The following UNC80 variants were observed in gnomAD, a reference collection of about 807,000 sequenced individuals.
UNC80 encodes unc-80 subunit of NALCN channel complex.
UNC80 carries 164 observed loss-of-function variants against 384.6 expected under a neutral mutation model. The observed-to-expected ratio is 0.43, with a 90% confidence interval of 0.38 to 0.49. The LOEUF is 0.49. Among genes scored for constraint, UNC80 ranks in the 20% least tolerant of loss-of-function variants. The pLI, the probability that UNC80 is intolerant of heterozygous loss-of-function variation, is 0.00. For missense variants in UNC80, 3,330 were observed against 4,143.0 expected (o/e 0.80, Z 5.39); for synonymous variants, 1,486 against 1,527.8 (o/e 0.97, Z 0.64).
intron 22 of UNC80, among the ~76,000 whole-genome samples, chr2:209,852,832 A>G (rs570736342): frequency 1.3e-5 from 2 of 152,216 alleles, no homozygotes; most frequent in East Asian, 3.9e-4. Flanking sequence ...TATGTGATTC[A>G]CCAACTTCCA....
rs940626826 is a variant in UNC80, at chr2:209,834,299, T to G, written c.2942+131T>G. The G allele has an allele frequency of 2.5e-5, 25 of 991,860 alleles. No homozygotes were observed. The East Asian group carries it at 6.4e-4, about 25-fold the overall frequency. The allele number at this position is 991,860 out of a possible 1,614,324, so 61.4% of individuals were successfully genotyped here. A position where few individuals can be genotyped will look rare whatever the true frequency, so the allele number is the denominator to read the frequency against. Reference sequence around the variant, plus strand: ...TGGTAAAATTATCTTGCGTAAGTGGTTTCACTGGTGTGGTGTAGCTGCAGC... The same window carrying G: ...TGGTAAAATTATCTTGCGTAAGTGGGTTCACTGGTGTGGTGTAGCTGCAGC... On this transcript the variant is annotated intron_variant, in intron 17 of 64. Transcript: ENST00000673920.
At chr2:209,864,614 G>T (rs1398289365) in intron 22 of UNC80, among the ~76,000 whole-genome samples, 1 of 152,182 alleles carries the variant, frequency 6.6e-6, no homozygotes, top group Non-Finnish European at 1.5e-5. Context: ...AGGGGTCAGG[G>T]TCAGTCCTGA....
Position 209,918,564 on chromosome 2 carries a change from C to G in UNC80, c.5244C>G (p.Pro1748=). Residue 1748 remains proline, a synonymous_variant, in exon 33 of 65, where the codon CCC becomes CCG. Coordinates refer to ENST00000673920, the MANE Select transcript of UNC80 (RefSeq NM_001371986.1). ...CTCCCAGTATCAATTTCACCCTTCC[C>G]TCGCCGGTGCTTGGAATGCCATCCG... ...IPPPSINFTL[P]SPVLGMPSVP... is the part of the protein sequence containing the mutation. The G allele has an allele frequency of 6.4e-7, 1 of 1,552,258 alleles. No individual in the cohort carries two copies. Among genetic ancestry groups the G allele is most frequent in the Non-Finnish European group, 8.7e-7 (1 of 1,147,106 alleles).
chr2:209,786,997 A>ATATATATATATATACC (rs2077474378), intron 5 of UNC80, among the ~76,000 whole-genome samples: 2 of 105,710 alleles, frequency 1.9e-5, no homozygotes, highest in Non-Finnish European at 3.6e-5. Context: ...ATATATATAT[A>ATATATATATATATACC]TATATATATA....
chr2:209,941,375 G>A lies in UNC80; in HGVS notation c.6801G>A (p.Pro2267=), dbSNP rs769944657. ...TTAACGGGGCTCTGATCCTCCACCC[G>A]GAAGACAGTGCCCTGCTCAGGCAGT... ...NVFNGALILH[P]EDSALLRQYA... Residue 2267 remains proline (P), a synonymous_variant, in exon 44 of 65, where the codon CCG becomes CCA. Transcript: ENST00000673920. The A allele has an allele frequency of 1.4e-5, 21 of 1,551,130 alleles. No individual in the cohort carries two copies. Among genetic ancestry groups the A allele is most frequent in the African/African-American group, 6.8e-5 (5 of 72,994 alleles).
intron 62 of UNC80, 57 bp from the exon 63 acceptor site, chr2:209,993,258 A>G (rs960934269): frequency 1.3e-5 from 17 of 1,326,388 alleles, no homozygotes; most frequent in Non-Finnish European, 1.7e-5. Flanking sequence ...TAAAGAAACA[A>G]TTTCCTCCTA....
chr2:209,961,469 G>A (rs2092588397), intron 51 of UNC80: 1 of 152,098 alleles, frequency 6.6e-6, no homozygotes, highest in Non-Finnish European at 1.5e-5. Flanking sequence ...ATTATATAAA[G>A]GATTTGAGGA....
intron 53 of UNC80, 28 bp from the exon 54 acceptor site, chr2:209,970,804 C>A (rs2092862865): frequency 6.5e-7 from 1 of 1,548,308 alleles, no homozygotes; most frequent in African/African-American, 1.4e-5. Context: ...ATAGTCAAGG[C>A]TGGTCATGTG....
In UNC80 at chr2:209,839,444, T is replaced by C; in HGVS notation, c.3250+14T>C. On this transcript the variant is annotated intron_variant, in intron 19 of 64. Coordinates refer to ENST00000673920, the MANE Select transcript of UNC80 (RefSeq NM_001371986.1). The surrounding 1 kb of genome is among the most constrained non-coding windows in gnomAD (Gnocchi z 4.1). ...AACTCCCCATAGGTAAAAGTATGTC[T>C]GTATTTGTTTATGGATTATCTTATT... 6.4e-7 allele frequency: 1 copy of C among 1,551,686 alleles called. No homozygotes were observed. The highest frequency in any genetic ancestry group is 8.7e-7 in the Non-Finnish European group (1 of 1,146,908).
chr2:209,896,506 T>TCAATCCG lies in UNC80; in HGVS notation c.4581+94_4581+100dup, dbSNP rs571725976. On this transcript the variant is annotated intron_variant, in intron 28 of 64. Coordinates refer to ENST00000673920, the MANE Select transcript of UNC80 (RefSeq NM_001371986.1). ...GAGGACAAGAGATTATACTAAATCA[T>TCAATCCG]CAATCCGATCTAGCCTCCAAGAGAA... 1.1e-3 allele frequency: 1,164 copies of TCAATCCG among 1,020,128 alleles called. 11 individuals are homozygous for TCAATCCG. In the African/African-American group the frequency reaches 0.016, roughly 14 times the overall value. The allele number at this position is 1,020,128 out of a possible 1,614,324, so 63.2% of individuals were successfully genotyped here.
intron 1 of UNC80, 144 bp from the exon 2 acceptor site, chr2:209,772,950 C>A (rs1001223774): frequency 6.2e-6 from 4 of 648,664 alleles, no homozygotes; most frequent in Non-Finnish European, 1.1e-5. Flanking sequence ...AGCTGTTCAA[C>A]ACCTGCTCAT....
intron 7 of UNC80, among the ~76,000 whole-genome samples, chr2:209,805,279 G>T (rs922975379): frequency 6.6e-6 from 1 of 152,174 alleles, no homozygotes. Context: ...TCCTTCTCCA[G>T]TTCCCAATAG....
At chr2:209,931,191 C>T in intron 38 of UNC80, 137 bp downstream of exon 38, 1 of 565,830 alleles carries the variant, frequency 1.8e-6, no homozygotes, top group African/African-American at 1.9e-5. Flanking sequence ...GTAGGGAAGC[C>T]CCTGCCTGGC....
intron 10 of UNC80, among the ~76,000 whole-genome samples, chr2:209,817,471 C>G (rs2153827591): frequency 6.6e-6 from 1 of 150,574 alleles, no homozygotes; most frequent in East Asian, 1.9e-4. Flanking sequence ...TTGAAAAAAG[C>G]AAAGCAAAGG....
intron 22 of UNC80, among the ~76,000 whole-genome samples, chr2:209,868,842 A>G (rs1305339588): frequency 1.3e-5 from 2 of 152,248 alleles, no homozygotes; most frequent in Non-Finnish European, 2.9e-5. Context: ...GTTCAATCTA[A>G]TATTTTGCCT....
intron 7 of UNC80, among the ~76,000 whole-genome samples, chr2:209,811,976 A>G (rs2079383326): frequency 6.6e-6 from 1 of 152,218 alleles, no homozygotes; most frequent in Non-Finnish European, 1.5e-5. Flanking sequence ...CTCAAAACAA[A>G]TGGTCATTAA....
chr2:209,994,013 G>A (rs900492609), intron 63 of UNC80, 52 bp from the exon 64 acceptor site: 10 of 1,475,280 alleles, frequency 6.8e-6, no homozygotes, highest in African/African-American at 4.2e-5. Flanking sequence ...AAGCATTGAC[G>A]GTCCGTTTCC....
chr2:209,965,221 G>T (rs748551545), intron 51 of UNC80, among the ~76,000 whole-genome samples: 1 of 152,108 alleles, frequency 6.6e-6, no homozygotes, highest in Non-Finnish European at 1.5e-5. Context: ...CAGATTGCTT[G>T]AGTCCAGGAG....
At chr2:209,932,525 G>A (rs2090958511) in intron 38 of UNC80, among the ~76,000 whole-genome samples, 1 of 152,134 alleles carries the variant, frequency 6.6e-6, no homozygotes, top group African/African-American at 2.4e-5. Context: ...CCTTCCCCAG[G>A]TCACTGAATA....
Sources: gnomAD v4.1 joint callset for allele counts (sites outside exome capture counted in the v4.1 genomes callset) on GRCh38, gnomAD v4.1.1 for gene constraint, Gnocchi (gnomAD v3.1) non-coding constraint, MANE v1.5 for transcripts, NCBI Gene and HGNC (gene_info 2026-07-23, HGNC 2026-07-21) for gene names.